COL19A1: variants seen among roughly 807,000 people sequenced by gnomAD.
COL19A1 encodes collagen type XIX alpha 1 chain, also known as collagen alpha-1(XIX) chain.
COL19A1 carries 159 observed loss-of-function variants against 190.2 expected under a neutral mutation model. The observed-to-expected ratio is 0.84, with a 90% confidence interval of 0.73 to 0.95. The LOEUF (loss-of-function observed/expected upper bound fraction) is 0.95, where lower values mean the gene tolerates loss of function less well. Ranked by LOEUF, COL19A1 falls within the 40% of genes least tolerant of loss-of-function variation. The pLI, the probability that COL19A1 is intolerant of heterozygous loss-of-function variation, is 0.00. For missense variants in COL19A1, 1,418 were observed against 1,431.9 expected (o/e 0.99, Z 0.16); for synonymous variants, 509 against 458.9 (o/e 1.11, Z -1.39).
chr6:69,916,476 A>T (rs759256045), intron 4 of COL19A1, among the ~76,000 whole-genome samples: 2 of 152,192 alleles, frequency 1.3e-5, no homozygotes, highest in Admixed American at 6.5e-5. Context: ...CCAAAATCCA[A>T]TAGGCAGTAA....
Position 70,156,655 on chromosome 6 carries a change from G to A in COL19A1, c.2239-15G>A, listed in dbSNP as rs202122876. 3 of 1,611,088 alleles carry A rather than the reference G, an allele frequency of 1.9e-6. No homozygotes were observed. On this transcript the variant is annotated splice_polypyrimidine_tract_variant and intron_variant, in intron 33 of 50. Transcript: ENST00000620364. ...AAATGATTGCATGTGCTAGCTGAAT[G>A]TATTGTCTTTTTAGGGAAGCAAAGG...
chr6:70,019,326 A>G (rs80317475), intron 11 of COL19A1, among the ~76,000 whole-genome samples: 6,391 of 152,158 alleles, frequency 0.042, 450 homozygotes, highest in African/African-American at 0.14. Flanking sequence ...GCATGTAGTA[A>G]GGTATAGAGA....
intron 36 of COL19A1, among the ~76,000 whole-genome samples, chr6:70,165,028 T>A (rs1765052323): frequency 6.6e-6 from 1 of 152,210 alleles, no homozygotes; most frequent in African/African-American, 2.4e-5. Flanking sequence ...TCAAAATTCT[T>A]GGACATTGTG....
chr6:70,042,748 T>C (rs1442382425), intron 14 of COL19A1, among the ~76,000 whole-genome samples: 2 of 152,248 alleles, frequency 1.3e-5, no homozygotes, highest in Non-Finnish European at 1.5e-5. Context: ...GCTGTTACTT[T>C]ATCAACTAAA....
chr6:69,906,497 A>C (rs950720367), intron 4 of COL19A1, among the ~76,000 whole-genome samples: 1 of 152,204 alleles, frequency 6.6e-6, no homozygotes, highest in Non-Finnish European at 1.5e-5. Flanking sequence ...TTCCATATCT[A>C]TAGCCTCTCT....
chr6:70,047,939 T>G (rs1023027083), intron 14 of COL19A1, among the ~76,000 whole-genome samples: 6 of 152,124 alleles, frequency 3.9e-5, no homozygotes, highest in African/African-American at 1.4e-4. Context: ...ATATATCCAC[T>G]AATTTTAGTT....
intron 1 of COL19A1, among the ~76,000 whole-genome samples, chr6:69,878,172 C>T (rs992182499): frequency 1.3e-5 from 2 of 151,100 alleles, no homozygotes; most frequent in African/African-American, 4.9e-5. Context: ...CATCTGACAC[C>T]CATTAGGATA....
intron 17 of COL19A1, among the ~76,000 whole-genome samples, chr6:70,123,058 T>G (rs1272872493): frequency 6.6e-6 from 1 of 152,168 alleles, no homozygotes; most frequent in Non-Finnish European, 1.5e-5. Context: ...AACCTACTCA[T>G]CTGACAAAGG....
intron 1 of COL19A1, among the ~76,000 whole-genome samples, chr6:69,872,300 A>G (rs1407688321): frequency 1.3e-5 from 2 of 151,968 alleles, no homozygotes; most frequent in African/African-American, 4.8e-5. Flanking sequence ...TACATAGTGG[A>G]ACCTCATCCT....
At chr6:70,163,294 G>C (rs777901601) in intron 35 of COL19A1, 49 bp from the exon 36 acceptor site, 2 of 1,548,394 alleles carry the variant, frequency 1.3e-6, no homozygotes, top group African/African-American at 2.7e-5. Flanking sequence ...AATACCCTTT[G>C]GCCATTTAAT....
At chr6:70,009,899 G>A (rs1777882914) in intron 11 of COL19A1, among the ~76,000 whole-genome samples, 2 of 152,118 alleles carry the variant, frequency 1.3e-5, no homozygotes, top group Non-Finnish European at 2.9e-5. Flanking sequence ...GAAAAAGAAA[G>A]ACAAGAACTT....
intron 15 of COL19A1, chr6:70,098,663 G>A (rs1043921536): frequency 8.3e-5 from 25 of 300,440 alleles, no homozygotes; most frequent in African/African-American, 5.3e-4. Context: ...CTTTTCAAAC[G>A]ATGGCGTTCC....
rs114230991 is a variant in COL19A1, at chr6:69,899,034, A to G, written c.166+12A>G. Reference sequence around the variant, plus strand: ...ACTTGAAGTTTCAGGTAGGCAATATAATCCTTTGCAAAGTAATATTTTATG... The same window carrying G: ...ACTTGAAGTTTCAGGTAGGCAATATGATCCTTTGCAAAGTAATATTTTATG... On this transcript the variant is annotated intron_variant, in intron 3 of 50. Coordinates refer to ENST00000620364, the MANE Select transcript of COL19A1 (RefSeq NM_001858.6). 7,310 of 1,549,544 alleles carry G rather than the reference A, an allele frequency of 4.7e-3. 131 individuals carry two copies. The highest frequency in any genetic ancestry group is 0.037 in the African/African-American group (2,740 of 73,496).
intron 15 of COL19A1, among the ~76,000 whole-genome samples, chr6:70,095,561 A>T (rs1377990887): frequency 6.6e-6 from 1 of 152,218 alleles, no homozygotes; most frequent in Non-Finnish European, 1.5e-5. Context: ...AAAATGTACC[A>T]TCCTTACCAC....
intron 34 of COL19A1, among the ~76,000 whole-genome samples, chr6:70,159,409 T>C (rs575176032): frequency 8.6e-5 from 13 of 151,152 alleles, no homozygotes; most frequent in African/African-American, 3.2e-4. Context: ...TGCCCATGTA[T>C]ACACACATAC....
At chr6:69,936,951 G>A in intron 8 of COL19A1, 41 bp downstream of exon 8, 1 of 1,604,768 alleles carries the variant, frequency 6.2e-7, no homozygotes, top group East Asian at 2.2e-5. Context: ...AGCCACTCCA[G>A]ACTATGAGCC....
chr6:70,107,523 A>G (rs2150194694), intron 16 of COL19A1, among the ~76,000 whole-genome samples: 1 of 152,308 alleles, frequency 6.6e-6, no homozygotes, highest in South Asian at 2.1e-4. Flanking sequence ...AGCTCTATCT[A>G]AATGTATCTT....
chr6:69,907,152 G>GTCTCCAAAAAAACAC (rs1770613162), intron 4 of COL19A1, among the ~76,000 whole-genome samples: 2 of 128,314 alleles, frequency 1.6e-5, no homozygotes, highest in Admixed American at 1.8e-4. Context: ...CAAAAAAACA[G>GTCTCCAAAAAAACAC]AGTCTCCAGC....
At position 69,899,287 on chromosome 6, in the gene COL19A1, C is replaced by G. The variant is rs549906593; in HGVS notation, c.166+265C>G. The stretch of plus-strand genomic sequence containing the variant: ...ACGAGCAATTCTCCTGCCTCAGCCT[C>G]CCAAGTAGCTGGGACTACAGGCACA... On this transcript the variant is annotated intron_variant, in intron 3 of 50. Coordinates refer to ENST00000620364, the MANE Select transcript of COL19A1 (RefSeq NM_001858.6). 6.6e-5 allele frequency among the ~76,000 whole-genome samples: 10 copies of G among 151,842 alleles called. No individual in the cohort carries two copies. The South Asian group carries it at 1.7e-3, about 25-fold the overall frequency.
Sources: allele counts gnomAD v4.1 joint callset (sites outside exome capture counted in the v4.1 genomes callset), GRCh38; gene constraint gnomAD v4.1.1; transcripts MANE v1.5; gene names NCBI Gene and HGNC (gene_info 2026-07-23, HGNC 2026-07-21).